Variants in BORCS5 observed in about 807,000 individuals in gnomAD.
BORCS5 encodes the protein BLOC-1-related complex subunit 5.
Under a neutral mutation model 22.1 loss-of-function variants are expected in BORCS5, and 17 were observed. That is an observed-to-expected ratio of 0.77 (90% CI 0.53 to 1.15). The LOEUF (loss-of-function observed/expected upper bound fraction) is 1.15. Ranked by LOEUF, BORCS5 falls within the 50% of genes most tolerant of loss-of-function variation. The probability of loss-of-function intolerance (pLI) is 0.00; values close to 1 mark genes in which losing one functional copy is unlikely to be tolerated. For missense variants in BORCS5, 247 were observed against 253.2 expected (o/e 0.98, Z 0.17); for synonymous variants, 117 against 99.8 (o/e 1.17, Z -1.03).
chr12:12,361,717 A>G (rs190566535), intron 2 of BORCS5, among the ~76,000 whole-genome samples: 4 of 152,312 alleles, frequency 2.6e-5, no homozygotes, highest in African/African-American at 9.6e-5. Context: ...GAGGTTGGAA[A>G]TGGCCCTTCC....
chr12:12,381,003 T>G (rs1005752022), intron 2 of BORCS5, among the ~76,000 whole-genome samples: 4 of 147,692 alleles, frequency 2.7e-5, no homozygotes, highest in African/African-American at 1.0e-4. Flanking sequence ...CTTTTCATTT[T>G]TTGGGGGATT....
At chr12:12,405,867 G>T (rs1257783112) in intron 2 of BORCS5, among the ~76,000 whole-genome samples, 2 of 152,232 alleles carry the variant, frequency 1.3e-5, no homozygotes, top group Non-Finnish European at 2.9e-5. Context: ...AGCAGATAAA[G>T]AAATTATTAA....
intron 3 of BORCS5, among the ~76,000 whole-genome samples, chr12:12,461,705 G>A (rs1415429185): frequency 6.6e-6 from 1 of 152,156 alleles, no homozygotes; most frequent in Non-Finnish European, 1.5e-5. Flanking sequence ...AGCAGCAGCA[G>A]AGTGGAGGAG....
chr12:12,410,188 C>G (rs1200195671), intron 2 of BORCS5, among the ~76,000 whole-genome samples: 1 of 152,174 alleles, frequency 6.6e-6, no homozygotes, highest in Non-Finnish European at 1.5e-5. Context: ...CCTGTTCACT[C>G]TGATGGTAGT....
intron 2 of BORCS5, among the ~76,000 whole-genome samples, chr12:12,408,715 C>G (rs182005055): frequency 6.6e-6 from 1 of 152,150 alleles, no homozygotes; most frequent in African/African-American, 2.4e-5. Flanking sequence ...CATGTTGTTG[C>G]ATAGGTCAGA....
At chr12:12,463,782 G>A (rs138108538) in intron 3 of BORCS5, among the ~76,000 whole-genome samples, 3 of 152,316 alleles carry the variant, frequency 2.0e-5, no homozygotes, top group African/African-American at 7.2e-5. Flanking sequence ...CTGTGAAGAT[G>A]GCTGTGAACA....
At position 12,421,987 on chromosome 12, in the gene BORCS5, C is replaced by G. The variant is rs141957802; in HGVS notation, c.203-13641C>G. ...CTAGTGGTTTATCAATTTTGTTGAT[C>G]TTTTCAAAAAACCAGCTCCTGGACT... On this transcript the variant is annotated intron_variant, in intron 2 of 3. Coordinates refer to ENST00000314565, the MANE Select transcript of BORCS5 (RefSeq NM_058169.6). Among the ~76,000 whole-genome samples, 537 of 152,142 alleles carry G rather than the reference C, an allele frequency of 3.5e-3. 1 individual carries two copies. Among genetic ancestry groups the G allele is most frequent in the East Asian group, 0.016 (81 of 5,184 alleles).
At chr12:12,358,558 G>T (rs917460970) in intron 1 of BORCS5, among the ~76,000 whole-genome samples, 2 of 152,172 alleles carry the variant, frequency 1.3e-5, no homozygotes, top group African/African-American at 4.8e-5. Context: ...CTATGGCAGG[G>T]CAGAAACATA....
rs911532953 is a variant in BORCS5 at position 12,470,548 on chromosome 12, G to A, written c.*4772G>A. On this transcript the variant is annotated 3_prime_UTR_variant, in exon 4 of 4. Coordinates refer to ENST00000314565, the MANE Select transcript of BORCS5 (RefSeq NM_058169.6). ...AATCTAATGCCTGATGATCTGAGAT[G>A]GAACGGTTTCATCCAGAAACCATCC... Among the ~76,000 whole-genome samples the A allele has an allele frequency of 6.6e-6, 1 of 152,092 alleles. No homozygotes were observed.
intron 2 of BORCS5, among the ~76,000 whole-genome samples, chr12:12,434,300 A>G (rs1244698373): frequency 6.6e-6 from 1 of 151,562 alleles, no homozygotes; most frequent in African/African-American, 2.4e-5. Context: ...AAAAAAAAAA[A>G]AAAAGCTTTG....
chr12:12,464,638 G>A (rs1475823337), intron 3 of BORCS5, among the ~76,000 whole-genome samples: 1 of 152,174 alleles, frequency 6.6e-6, no homozygotes, highest in Non-Finnish European at 1.5e-5. Context: ...GGTCCATGCT[G>A]AGGAAGGGGT....
chr12:12,369,621 AT>A (rs533785670), intron 2 of BORCS5, among the ~76,000 whole-genome samples: 7 of 143,788 alleles, frequency 4.9e-5, no homozygotes, highest in Non-Finnish European at 1.0e-4. Flanking sequence ...TAGTCTTGAT[AT>A]TTATTATAGT....
intron 2 of BORCS5, among the ~76,000 whole-genome samples, chr12:12,381,953 T>G (rs932981159): frequency 6.6e-6 from 1 of 151,542 alleles, no homozygotes; most frequent in African/African-American, 2.4e-5. Context: ...GAGGATATGT[T>G]GCTGGTGTGG....
intron 3 of BORCS5, among the ~76,000 whole-genome samples, chr12:12,464,214 T>C (rs201158404): frequency 6.6e-6 from 1 of 151,834 alleles, no homozygotes; most frequent in Non-Finnish European, 1.5e-5. Flanking sequence ...TTTTTTTTTT[T>C]TCTCTTCTCC....
intron 3 of BORCS5, among the ~76,000 whole-genome samples, chr12:12,444,807 T>C (rs533183717): frequency 6.6e-6 from 1 of 151,188 alleles, no homozygotes; most frequent in South Asian, 2.1e-4. Context: ...TGATTTCAAC[T>C]GTGTTAAATA....
chr12:12,424,291 A>G (rs748365304), intron 2 of BORCS5, among the ~76,000 whole-genome samples: 1 of 152,012 alleles, frequency 6.6e-6, no homozygotes, highest in Admixed American at 6.5e-5. Flanking sequence ...TTATTCACTC[A>G]TTCTTTCTTC....
chr12:12,373,978 A>ATTTTTTTTT (rs1863585861), intron 2 of BORCS5, among the ~76,000 whole-genome samples: 1 of 116,776 alleles, frequency 8.6e-6, no homozygotes, highest in African/African-American at 4.5e-5. Flanking sequence ...TGCAGAGAGT[A>ATTTTTTTTT]TTCTTTTTTT....
chr12:12,382,528 A>G (rs1013495237), intron 2 of BORCS5, among the ~76,000 whole-genome samples: 2 of 145,382 alleles, frequency 1.4e-5, no homozygotes, highest in African/African-American at 5.4e-5. Context: ...CTATGATGGT[A>G]TATATCTTTT....
At chr12:12,358,857 A>G (rs1265369061) in intron 1 of BORCS5, among the ~76,000 whole-genome samples, 1 of 152,226 alleles carries the variant, frequency 6.6e-6, no homozygotes, top group Non-Finnish European at 1.5e-5. Flanking sequence ...AATTACCAAA[A>G]CAGGTAAATA....
Sources: gnomAD v4.1 joint callset for allele counts (sites outside exome capture counted in the v4.1 genomes callset) on GRCh38, gnomAD v4.1.1 for gene constraint, MANE v1.5 for transcripts, NCBI Gene and HGNC (gene_info 2026-07-23, HGNC 2026-07-21) for gene names.